The following SLC13A1 variants were observed in gnomAD, a reference collection of about 807,000 sequenced individuals.
The protein encoded by SLC13A1 is solute carrier family 13 member 1, also known as Na(+)/sulfate cotransporter.
A neutral mutation model predicts 70.0 loss-of-function variants in SLC13A1; 65 were observed. The observed-to-expected ratio is 0.93, with a 90% CI of 0.76 to 1.14. SLC13A1 has a LOEUF of 1.14. Ranked by LOEUF, SLC13A1 falls within the 50% of genes most tolerant of loss-of-function variation. The probability of loss-of-function intolerance (pLI) is 0.00; values close to 1 mark genes in which losing one functional copy is unlikely to be tolerated. For synonymous variants in SLC13A1, 275 were observed against 250.5 expected, an observed-to-expected ratio of 1.10 and a Z score of -0.92; for missense variants, 726 against 717.8, an observed-to-expected ratio of 1.01 and a Z score of -0.13.
chr7:123,168,225 T>C, intron 6 of SLC13A1, 149 bp downstream of exon 6: 3 of 533,892 alleles, frequency 5.6e-6, no homozygotes, highest in Non-Finnish European at 1.0e-5. Context: ...TGAAAGTTTA[T>C]CAAACCATTA....
Position 123,123,200 on chromosome 7 carries a change from C to T in SLC13A1, c.1276G>A (p.Glu426Lys), listed in dbSNP as rs1442836162. The T allele has an allele frequency of 6.2e-7, 1 of 1,613,374 alleles. No homozygotes were observed. The highest frequency in any genetic ancestry group is 8.5e-7 in the Non-Finnish European group (1 of 1,179,588). The change falls in exon 12 of 15, where the codon GAA becomes AAA. Residue 426 changes from glutamate to lysine, a missense_variant. Glu to Lys is a moderately conservative substitution (Grantham distance 56). Transcript: ENST00000194130. The part of the protein sequence containing the change: ...FDYSPLITWK[E>K]FQSFMPWDIA... Reference sequence around the variant, plus strand: ...TCCCAGGGCATGAATGACTGGAATTCTTTCCAAGTAATCAGTGGAGAGTAA... The same window carrying T: ...TCCCAGGGCATGAATGACTGGAATTTTTTCCAAGTAATCAGTGGAGAGTAA...
chr7:123,151,754 C>T (rs555363196), intron 6 of SLC13A1, among the ~76,000 whole-genome samples: 1 of 152,160 alleles, frequency 6.6e-6, no homozygotes, highest in East Asian at 1.9e-4. Context: ...CTTTAGAGCT[C>T]ATACTCTCAG....
intron 6 of SLC13A1, among the ~76,000 whole-genome samples, chr7:123,160,734 A>C (rs1344925385): frequency 6.6e-6 from 1 of 152,222 alleles, no homozygotes; most frequent in Non-Finnish European, 1.5e-5. Flanking sequence ...ACTGTTATAT[A>C]GACCACAGTT....
rs2116615035 is a variant in SLC13A1 at position 123,180,973 on chromosome 7, C to T, written c.228G>A (p.Lys76=). 1 of 1,608,550 alleles carries T rather than the reference C, an allele frequency of 6.2e-7. No individual in the cohort carries two copies. The highest frequency in any genetic ancestry group is 8.5e-7 in the Non-Finnish European group (1 of 1,177,112). The change falls in exon 2 of 15, where the codon AAG becomes AAA. Residue 76 remains lysine, a splice_region_variant and synonymous_variant. Coordinates refer to ENST00000194130, the MANE Select transcript of SLC13A1 (RefSeq NM_022444.4). ...LPMFGIMPSK[K]VASAYFKDFH... Reference sequence around the variant, plus strand: ...TTATGACATTGGCAAGAGGACTTACCTTCTTAGAAGGCATGATCCCAAACA... The same window carrying T: ...TTATGACATTGGCAAGAGGACTTACTTTCTTAGAAGGCATGATCCCAAACA...
At chr7:123,142,688 G>A (rs2116389127) in intron 7 of SLC13A1, among the ~76,000 whole-genome samples, 1 of 101,332 alleles carries the variant, frequency 9.9e-6, no homozygotes, top group East Asian at 3.4e-4. Flanking sequence ...CGCGATCTTG[G>A]CTCACCACAA....
chr7:123,117,177 G>A (rs987266350), intron 14 of SLC13A1, among the ~76,000 whole-genome samples: 5 of 152,078 alleles, frequency 3.3e-5, no homozygotes, highest in Admixed American at 2.6e-4. Context: ...GTGTTGACTT[G>A]TAGGTTTATG....
Position 123,128,907 on chromosome 7 carries a change from C to T in SLC13A1, c.1071G>A (p.Met357Ile), listed in dbSNP as rs1793657183. The change falls in exon 10 of 15, where the codon ATG becomes ATA. Residue 357 changes from methionine to isoleucine, a missense_variant. Physicochemically the swap from Met to Ile is conservative, Grantham distance 10 (BLOSUM62 1). Transcript: ENST00000194130. ...EIVTLVLFII[M>I]ALLWFSRDPG... ...GGTCTCGACTAAACCATAGCAGAGC[C>T]ATTATAATGAAGAGGACCAAGGTCA... is the stretch of plus-strand genomic sequence containing the variant. The T allele has an allele frequency of 1.2e-6, 2 of 1,613,422 alleles. No individual in the cohort carries two copies. The highest frequency in any genetic ancestry group is 1.1e-5 in the South Asian group (1 of 91,052).
Position 123,181,050 on chromosome 7 carries a change from C to T in SLC13A1, c.151G>A (p.Glu51Lys). 3.1e-6 allele frequency: 5 copies of T among 1,612,850 alleles called. No individual in the cohort carries two copies. The highest frequency in any genetic ancestry group is 4.2e-6 in the Non-Finnish European group (5 of 1,179,176). ...GCTGTTACCGACAGAGGCAATGCTT[C>T]TGTGAGCCAAAATGTGGCGACCACA... The part of the protein sequence containing the change: ...LFVVATFWLT[E>K]ALPLSVTALL... Residue 51 changes from glutamate (E) to lysine (K), a missense_variant, in exon 2 of 15, where the codon GAA becomes AAA. Transcript: ENST00000194130.
chr7:123,197,959 C>A (rs962492600), intron 1 of SLC13A1, among the ~76,000 whole-genome samples: 4 of 152,088 alleles, frequency 2.6e-5, no homozygotes, highest in African/African-American at 7.2e-5. Context: ...AAAAGAGCAG[C>A]ACAGATGATA....
At chr7:123,197,415 G>A (rs1796221049) in intron 1 of SLC13A1, among the ~76,000 whole-genome samples, 1 of 151,884 alleles carries the variant, frequency 6.6e-6, no homozygotes, top group Non-Finnish European at 1.5e-5. Context: ...CTTCAGTTTG[G>A]TAACCTAAAA....
chr7:123,156,548 T>G (rs1021413415), intron 6 of SLC13A1, among the ~76,000 whole-genome samples: 6 of 152,250 alleles, frequency 3.9e-5, no homozygotes, highest in Non-Finnish European at 8.8e-5. Flanking sequence ...GTCCTTTTGG[T>G]CTGCATGTTG....
intron 3 of SLC13A1, among the ~76,000 whole-genome samples, chr7:123,170,059 T>G (rs1795216854): frequency 6.6e-6 from 1 of 152,156 alleles, no homozygotes; most frequent in Non-Finnish European, 1.5e-5. Flanking sequence ...TACCTAAGAC[T>G]ACAAAATTTT....
In SLC13A1 at chr7:123,161,142, T is replaced by A. The variant is rs555303838; in HGVS notation, c.660+7232A>T. Among the ~76,000 whole-genome samples the A allele has an allele frequency of 3.2e-4, 49 of 151,558 alleles. 1 individual carries two copies. The highest frequency in any genetic ancestry group is 1.1e-3 in the African/African-American group (46 of 41,476). ...TCTTTGACAAGACTTGTAAGACTAA[T>A]AAAATAGACATAGTTTGGAAAGATT... On this transcript the variant is annotated intron_variant, in intron 6 of 14. Transcript: ENST00000194130.
At chr7:123,143,474 GT>G (rs1202834037) in intron 7 of SLC13A1, among the ~76,000 whole-genome samples, 1 of 152,088 alleles carries the variant, frequency 6.6e-6, no homozygotes, top group East Asian at 1.9e-4. Flanking sequence ...TGTGGGCTGA[GT>G]TTATTCCTGT....
chr7:123,169,407 A>C, intron 3 of SLC13A1, 72 bp from the exon 4 acceptor site: 4 of 1,344,654 alleles, frequency 3.0e-6, no homozygotes, highest in Non-Finnish European at 4.2e-6. Context: ...TAACTGGAAG[A>C]TGTTTAAGAT....
intron 7 of SLC13A1, among the ~76,000 whole-genome samples, chr7:123,136,438 T>G (rs988138124): frequency 5.3e-5 from 8 of 152,320 alleles, no homozygotes; most frequent in Non-Finnish European, 1.2e-4. Context: ...TGGCATACTC[T>G]AAGCATTTTC....
chr7:123,179,773 T>C (rs1050169326), intron 2 of SLC13A1, among the ~76,000 whole-genome samples: 1 of 151,746 alleles, frequency 6.6e-6, no homozygotes, highest in Non-Finnish European at 1.5e-5. Flanking sequence ...TTAGTCAGTT[T>C]TATTGTTACT....
At chr7:123,147,028 T>C in intron 7 of SLC13A1, 131 bp downstream of exon 7, 1 of 835,438 alleles carries the variant, frequency 1.2e-6, no homozygotes, top group Non-Finnish European at 1.8e-6. Context: ...GATCTATAGA[T>C]GTCCTGAAGG....
intron 7 of SLC13A1, among the ~76,000 whole-genome samples, chr7:123,136,316 T>C (rs1311224921): frequency 6.6e-6 from 1 of 152,210 alleles, no homozygotes; most frequent in Non-Finnish European, 1.5e-5. Context: ...TTATGTTTTG[T>C]TTAGTTTAAT....
Sources: gnomAD v4.1 joint callset for allele counts (sites outside exome capture counted in the v4.1 genomes callset) on GRCh38, gnomAD v4.1.1 for gene constraint, MANE v1.5 for transcripts, NCBI Gene and HGNC (gene_info 2026-07-23, HGNC 2026-07-21) for gene names.